The following SIPA1L2 variants were observed in gnomAD, a reference collection of about 807,000 sequenced individuals.
SIPA1L2 encodes signal induced proliferation associated 1 like 2.
In SIPA1L2, 56 loss-of-function variants were observed where a neutral mutation model predicts 163.9. The ratio of observed to expected loss-of-function variants is 0.34; its 90% CI spans 0.28 to 0.43. SIPA1L2 has a LOEUF of 0.43. SIPA1L2 is among the 20% of genes least tolerant of loss of function. The pLI is 1.00. For missense variants in SIPA1L2, 1,974 were observed against 2,193.5 expected, an observed-to-expected ratio of 0.90 and a Z score of 2.00; for synonymous variants, 877 against 865.7, an observed-to-expected ratio of 1.01 and a Z score of -0.23.
intron 2 of SIPA1L2, among the ~76,000 whole-genome samples, chr1:232,565,619 C>T (rs1053729268): frequency 6.6e-6 from 1 of 152,184 alleles, no homozygotes; most frequent in Non-Finnish European, 1.5e-5. Flanking sequence ...ATTATTATTA[C>T]CAAGAATTAA....
At chr1:232,564,082 C>A (rs1246195313) in intron 2 of SIPA1L2, among the ~76,000 whole-genome samples, 1 of 113,068 alleles carries the variant, frequency 8.8e-6, no homozygotes, top group Non-Finnish European at 1.6e-5. Flanking sequence ...TCAGCCACTG[C>A]TCCTGGCCAA....
chr1:232,543,295 A>G (rs7543873), intron 2 of SIPA1L2, among the ~76,000 whole-genome samples: 89,628 of 152,088 alleles, frequency 0.59, 28,538 homozygotes, highest in Non-Finnish European at 0.72. Flanking sequence ...TCATGATTCA[A>G]ATGAATCAAT....
intron 17 of SIPA1L2, among the ~76,000 whole-genome samples, chr1:232,426,345 A>C (rs1017045462): frequency 6.6e-6 from 1 of 152,196 alleles, no homozygotes; most frequent in Non-Finnish European, 1.5e-5. Flanking sequence ...GCAGTCCAAT[A>C]AAGTCTTACT....
intron 19 of SIPA1L2, among the ~76,000 whole-genome samples, chr1:232,407,163 T>C (rs1485644640): frequency 6.6e-6 from 1 of 152,252 alleles, no homozygotes; most frequent in Non-Finnish European, 1.5e-5. Flanking sequence ...GAAACAACTA[T>C]TGCATTGGCC....
chr1:232,518,613 C>T (rs1429010008), intron 2 of SIPA1L2, among the ~76,000 whole-genome samples: 1 of 152,182 alleles, frequency 6.6e-6, no homozygotes, highest in African/African-American at 2.4e-5. Flanking sequence ...CTAAATGGAG[C>T]ATCCACTGCT....
intron 10 of SIPA1L2, among the ~76,000 whole-genome samples, chr1:232,457,698 A>T (rs1241673882): frequency 6.6e-6 from 1 of 152,190 alleles, no homozygotes; most frequent in Non-Finnish European, 1.5e-5. Context: ...TTTTAAAAGG[A>T]GTGAAGTGCT....
chr1:232,479,740 A>G lies in SIPA1L2; in HGVS notation c.1982-10T>C, dbSNP rs1665228324. The G allele has an allele frequency of 6.2e-7, 1 of 1,608,840 alleles. No individual in the cohort carries two copies. Among genetic ancestry groups the G allele is most frequent in the Non-Finnish European group, 8.5e-7 (1 of 1,175,590 alleles). ...GTGCCCGTGGAATCAGCTGAAAACA[A>G]AGATGAATTACAGAAGCAAGGTAAG... On this transcript the variant is annotated splice_polypyrimidine_tract_variant and intron_variant, in intron 6 of 22. Coordinates refer to ENST00000674635, the MANE Select transcript of SIPA1L2 (RefSeq NM_020808.5).
chr1:232,606,211 C>A (rs556544003), intron 1 of SIPA1L2, among the ~76,000 whole-genome samples: 12 of 152,254 alleles, frequency 7.9e-5, no homozygotes, highest in South Asian at 2.1e-4. Flanking sequence ...CACAAAGAGA[C>A]AATTAGCCTT....
intron 3 of SIPA1L2, among the ~76,000 whole-genome samples, chr1:232,510,463 G>A (rs925028096): frequency 6.6e-6 from 1 of 152,136 alleles, no homozygotes; most frequent in Admixed American, 6.5e-5. Context: ...AACGATAAGC[G>A]TACATCCACC....
intron 10 of SIPA1L2, among the ~76,000 whole-genome samples, chr1:232,458,726 G>A (rs1048319021): frequency 2.0e-5 from 3 of 152,122 alleles, no homozygotes; most frequent in Non-Finnish European, 2.9e-5. Flanking sequence ...AAATCTTACT[G>A]TATGAAAAAA....
intron 9 of SIPA1L2, 134 bp from the exon 10 acceptor site, chr1:232,461,295 C>T (rs1664223624): frequency 9.0e-7 from 1 of 1,117,094 alleles, no homozygotes; most frequent in Non-Finnish European, 1.3e-6. Context: ...CTCTCTCTGC[C>T]TTTTCCTCAA....
At chr1:232,452,084 T>C (rs75461988) in intron 10 of SIPA1L2, among the ~76,000 whole-genome samples, 2,122 of 138,450 alleles carry the variant, frequency 0.015, 60 homozygotes, top group African/African-American at 0.052. Flanking sequence ...AGAGGATCTT[T>C]TATTTTACTG....
intron 2 of SIPA1L2, among the ~76,000 whole-genome samples, chr1:232,561,997 G>T (rs1659063103): frequency 6.6e-6 from 1 of 152,238 alleles, no homozygotes; most frequent in African/African-American, 2.4e-5. Flanking sequence ...CGCGCCAGCT[G>T]CTCTGAGAGG....
chr1:232,592,777 A>T lies in SIPA1L2; in HGVS notation c.-318-18555T>A, dbSNP rs1661030354. The stretch of plus-strand genomic sequence containing the variant: ...AATTAAAATGAGCACTAATATTTCA[A>T]GCTTCAGTTTATCCTCTCCGAATGT... On this transcript the variant is annotated intron_variant, in intron 1 of 22. Transcript: ENST00000674635. 2.6e-5 allele frequency among the ~76,000 whole-genome samples: 4 copies of T among 151,566 alleles called. No individual in the cohort carries two copies. In the Admixed American group the frequency reaches 2.6e-4, roughly 10 times the overall value.
At chr1:232,517,760 G>A (rs1667276844) in intron 2 of SIPA1L2, among the ~76,000 whole-genome samples, 1 of 152,208 alleles carries the variant, frequency 6.6e-6, no homozygotes, top group Non-Finnish European at 1.5e-5. Context: ...ATAAAGATTA[G>A]CTGGGTGTGA....
rs142245977 is a variant in SIPA1L2, at chr1:232,521,582, A to G, written c.-269-5974T>C. 4.7e-4 allele frequency among the ~76,000 whole-genome samples: 71 copies of G among 152,322 alleles called. No individual in the cohort carries two copies. The East Asian group carries it at 0.012, about 26-fold the overall frequency. ...TGTCACAGTCACTGCTTCTACTCCC[A>G]GTCATGCCTGACACTCGGTTGACAA... On this transcript the variant is annotated intron_variant, in intron 2 of 22. Transcript: ENST00000674635.
intron 1 of SIPA1L2, among the ~76,000 whole-genome samples, chr1:232,628,931 T>A (rs975676596): frequency 5.9e-5 from 9 of 151,658 alleles, no homozygotes; most frequent in Non-Finnish European, 1.0e-4. Context: ...TTGTTTTTTT[T>A]AAAAAAAAGC....
At position 232,613,312 on chromosome 1, in the gene SIPA1L2, C is replaced by T. The variant is rs555130118; in HGVS notation, c.-319+16557G>A. Among the ~76,000 whole-genome samples the T allele has an allele frequency of 6.6e-5, 10 of 152,252 alleles. 1 individual carries two copies. The South Asian group carries it at 2.1e-3, about 32-fold the overall frequency. ...TCAATGGACTTCACAATGTCTCTAC[C>T]CAGAAAGATGTAACTTAAAATATTA... On this transcript the variant is annotated intron_variant, in intron 1 of 22. Transcript: ENST00000674635.
chr1:232,569,903 A>G (rs60102288), intron 2 of SIPA1L2, among the ~76,000 whole-genome samples: 22,354 of 152,254 alleles, frequency 0.15, 1,754 homozygotes, highest in South Asian at 0.26. Flanking sequence ...CTGACCATAA[A>G]ATAAAAAAGT....
Sources: gnomAD v4.1 joint callset for allele counts (sites outside exome capture counted in the v4.1 genomes callset) on GRCh38, gnomAD v4.1.1 for gene constraint, MANE v1.5 for transcripts, NCBI Gene and HGNC (gene_info 2026-07-23, HGNC 2026-07-21) for gene names.